CAMKMT: variants seen among roughly 807,000 people sequenced by gnomAD.
CAMKMT encodes the protein calmodulin-lysine N-methyltransferase, also known as CaM KMT.
Under a neutral mutation model 48.0 loss-of-function variants are expected in CAMKMT, and 53 were observed. The observed-to-expected ratio is 1.10, with a 90% CI of 0.89 to 1.39. The LOEUF (loss-of-function observed/expected upper bound fraction) is 1.39, where lower values mean the gene tolerates loss of function less well. CAMKMT is among the 40% of genes most tolerant of loss of function. The probability of loss-of-function intolerance (pLI) is 0.00; values close to 1 mark genes in which losing one functional copy is unlikely to be tolerated. For missense variants in CAMKMT, 428 were observed against 402.7 expected (o/e 1.06, Z -0.54); for synonymous variants, 165 against 152.3 (o/e 1.08, Z -0.61).
intron 3 of CAMKMT, among the ~76,000 whole-genome samples, chr2:44,620,648 ATCTAT>A (rs1235201075): frequency 1.3e-5 from 2 of 152,218 alleles, no homozygotes; most frequent in African/African-American, 2.4e-5. Flanking sequence ...TGACTTGAAC[ATCTAT>A]TCTGTGAGAA....
At chr2:44,722,083 T>C (rs1678495417) in intron 7 of CAMKMT, among the ~76,000 whole-genome samples, 1 of 152,222 alleles carries the variant, frequency 6.6e-6, no homozygotes, top group Non-Finnish European at 1.5e-5. Context: ...TCAGGGCATT[T>C]GTCATTTTTG....
chr2:44,537,704 C>A (rs553737999), intron 3 of CAMKMT, among the ~76,000 whole-genome samples: 16 of 152,218 alleles, frequency 1.1e-4, no homozygotes, highest in Middle Eastern at 3.4e-3. Flanking sequence ...GCTGGTACTA[C>A]GGGCATGTGC....
chr2:44,631,652 C>T (rs1379221391), intron 3 of CAMKMT: 2 of 419,646 alleles, frequency 4.8e-6, no homozygotes, highest in Non-Finnish European at 8.3e-6. Context: ...GATTTTGAGC[C>T]CATCTGACAA....
chr2:44,739,459 G>C (rs1440447812), intron 7 of CAMKMT, among the ~76,000 whole-genome samples: 1 of 152,172 alleles, frequency 6.6e-6, no homozygotes, highest in African/African-American at 2.4e-5. Flanking sequence ...ATTTAAAAAA[G>C]ACTGAATGAA....
rs1453875943 is a variant in CAMKMT, at chr2:44,390,237, C to T, written c.312-4C>T. 3.1e-6 allele frequency: 5 copies of T among 1,602,532 alleles called. No homozygotes were observed. In the South Asian group the frequency reaches 3.4e-5, roughly 11 times the overall value. On this transcript the variant is annotated splice_region_variant and splice_polypyrimidine_tract_variant and intron_variant, in intron 2 of 10. Transcript: ENST00000378494. ...ATTAAAGCAAACGCTTTACTCCTTT[C>T]TAGGCATAATAGTGGATCCTTGAAT...
chr2:44,514,812 C>T (rs937858241), intron 3 of CAMKMT, among the ~76,000 whole-genome samples: 2 of 152,156 alleles, frequency 1.3e-5, no homozygotes, highest in African/African-American at 4.8e-5. Context: ...CAATGATATT[C>T]GTGCCTAGAT....
chr2:44,593,422 AC>A (rs1306799038), intron 3 of CAMKMT, among the ~76,000 whole-genome samples: 1 of 151,970 alleles, frequency 6.6e-6, no homozygotes, highest in Non-Finnish European at 1.5e-5. Flanking sequence ...GCAGCTCTGT[AC>A]TCTCTGATAC....
intron 3 of CAMKMT, among the ~76,000 whole-genome samples, chr2:44,681,512 T>C (rs1676018426): frequency 6.6e-6 from 1 of 151,718 alleles, no homozygotes; most frequent in Non-Finnish European, 1.5e-5. Flanking sequence ...GGGGTGTTCT[T>C]AAAGTGCTGA....
chr2:44,710,241 A>T (rs1389772613), intron 6 of CAMKMT, among the ~76,000 whole-genome samples: 3 of 152,030 alleles, frequency 2.0e-5, no homozygotes, highest in African/African-American at 7.2e-5. Flanking sequence ...TTTTGAGTTT[A>T]TTTATTATCT....
chr2:44,427,890 C>T (rs1684384241), intron 3 of CAMKMT, among the ~76,000 whole-genome samples: 2 of 152,134 alleles, frequency 1.3e-5, no homozygotes, highest in African/African-American at 2.4e-5. Context: ...GCTCAGCTGC[C>T]GTGCCCAAAC....
intron 3 of CAMKMT, among the ~76,000 whole-genome samples, chr2:44,503,336 G>C (rs1403257988): frequency 6.6e-6 from 1 of 152,062 alleles, no homozygotes; most frequent in African/African-American, 2.4e-5. Context: ...GAGTAAAGAG[G>C]ATAGAATATA....
intron 3 of CAMKMT, among the ~76,000 whole-genome samples, chr2:44,520,315 C>T (rs1276431413): frequency 6.6e-6 from 1 of 152,076 alleles, no homozygotes; most frequent in Non-Finnish European, 1.5e-5. Flanking sequence ...TCTAGAACTA[C>T]TACCCTCGAG....
At chr2:44,742,212 G>A (rs1346982445) in intron 7 of CAMKMT, among the ~76,000 whole-genome samples, 1 of 152,118 alleles carries the variant, frequency 6.6e-6, no homozygotes, top group Non-Finnish European at 1.5e-5. Flanking sequence ...CTCTCCCCAG[G>A]TGCATGGAGT....
intron 3 of CAMKMT, among the ~76,000 whole-genome samples, chr2:44,625,402 C>T (rs889488969): frequency 6.6e-6 from 1 of 152,062 alleles, no homozygotes; most frequent in African/African-American, 2.4e-5. Flanking sequence ...TTAATAAATA[C>T]ATATATTTAA....
At chr2:44,572,399 A>G (rs572315625) in intron 3 of CAMKMT, among the ~76,000 whole-genome samples, 1 of 152,286 alleles carries the variant, frequency 6.6e-6, no homozygotes, top group East Asian at 1.9e-4. Context: ...TTAGTGAATG[A>G]CTTAATTCAC....
intron 3 of CAMKMT, among the ~76,000 whole-genome samples, chr2:44,652,589 A>G (rs1674139363): frequency 6.6e-6 from 1 of 152,156 alleles, no homozygotes; most frequent in Non-Finnish European, 1.5e-5. Flanking sequence ...GTGGTAGTGC[A>G]TCTCACCACC....
intron 2 of CAMKMT, among the ~76,000 whole-genome samples, chr2:44,384,432 T>C (rs1322087708): frequency 6.6e-6 from 1 of 152,110 alleles, no homozygotes; most frequent in African/African-American, 2.4e-5. Context: ...GGGTTGTCTG[T>C]TTACTCTGCT....
rs1681150717 is a variant in CAMKMT at position 44,772,323 on chromosome 2, C to T, written c.*210C>T. 2 of 500,450 alleles carry T rather than the reference C, an allele frequency of 4.0e-6. No individual in the cohort carries two copies. The highest frequency in any genetic ancestry group is 7.1e-6 in the Non-Finnish European group (2 of 281,938). 31.0% of individuals were successfully genotyped at this position (500,450 alleles called of 1,614,324 possible). On this transcript the variant is annotated 3_prime_UTR_variant, in exon 11 of 11. Coordinates refer to ENST00000378494, the MANE Select transcript of CAMKMT (RefSeq NM_024766.5). ...GCCTCTTTTTACACTCTGCTTGTTG[C>T]TCGTCCTGCCCTAAACCTTTGTTTG...
At chr2:44,394,526 C>A (rs1356799692) in intron 3 of CAMKMT, among the ~76,000 whole-genome samples, 1 of 151,956 alleles carries the variant, frequency 6.6e-6, no homozygotes, top group South Asian at 2.1e-4. Flanking sequence ...CTCCCAGGTT[C>A]AAGTGATTCT....
Sources: allele counts gnomAD v4.1 joint callset (sites outside exome capture counted in the v4.1 genomes callset), GRCh38; gene constraint gnomAD v4.1.1; transcripts MANE v1.5; gene names NCBI Gene and HGNC (gene_info 2026-07-23, HGNC 2026-07-21).